The following ILRUN variants were observed in gnomAD, a reference collection of about 807,000 sequenced individuals.
ILRUN encodes protein ILRUN.
Under a neutral mutation model 33.8 loss-of-function variants are expected in ILRUN, and 3 were observed. That is an observed-to-expected ratio of 0.09 (90% CI 0.04 to 0.23). ILRUN has a LOEUF of 0.23. ILRUN is among the 10% of genes least tolerant of loss of function. ILRUN has a pLI of 1.00. For synonymous variants in ILRUN, 124 were observed against 138.9 expected, an observed-to-expected ratio of 0.89 and a Z score of 0.75; for missense variants, 210 against 375.1, an observed-to-expected ratio of 0.56 and a Z score of 3.64.
chr6:34,692,639 G>GA (rs1200179544), intron 1 of ILRUN, among the ~76,000 whole-genome samples: 1 of 150,964 alleles, frequency 6.6e-6, no homozygotes, highest in African/African-American at 2.4e-5. Context: ...ATGTTTGTTT[G>GA]AAAAAAAAAT....
intron 2 of ILRUN, among the ~76,000 whole-genome samples, chr6:34,650,395 TTATTTATTTA>T (rs1762636862): frequency 6.8e-6 from 1 of 146,120 alleles, no homozygotes; most frequent in African/African-American, 2.5e-5. Context: ...GAGCTTAATT[TTATTTATTTA>T]TTTTTATTTA....
rs568963393 is a variant in ILRUN, at chr6:34,625,205, T to C, written c.512-18301A>G. Among the ~76,000 whole-genome samples, 231 of 152,292 alleles carry C rather than the reference T, an allele frequency of 1.5e-3. 1 individual carries two copies. Among genetic ancestry groups the C allele is most frequent in the African/African-American group, 5.2e-3 (215 of 41,566 alleles). Reference sequence around the variant, plus strand: ...CCCCTTCCCCTCTTTTTTTCCTATTTCTTCCTACTATCTTCTTCATTTCTT... The same window carrying C: ...CCCCTTCCCCTCTTTTTTTCCTATTCCTTCCTACTATCTTCTTCATTTCTT... On this transcript the variant is annotated intron_variant, in intron 3 of 4. Coordinates refer to ENST00000374023, the MANE Select transcript of ILRUN (RefSeq NM_024294.4).
intron 1 of ILRUN, among the ~76,000 whole-genome samples, chr6:34,695,932 C>G (rs1763760294): frequency 6.6e-6 from 1 of 151,346 alleles, no homozygotes. Context: ...AATCTGTTCT[C>G]AGCTCCTAAC....
At chr6:34,660,065 G>A (rs571816996) in intron 1 of ILRUN, among the ~76,000 whole-genome samples, 7 of 151,664 alleles carry the variant, frequency 4.6e-5, no homozygotes, top group African/African-American at 7.3e-5. Flanking sequence ...CTTGGGAGGC[G>A]CAGAGGCAGG....
At chr6:34,687,322 T>C (rs1034488220) in intron 1 of ILRUN, among the ~76,000 whole-genome samples, 4 of 152,184 alleles carry the variant, frequency 2.6e-5, no homozygotes, top group Admixed American at 6.5e-5. Context: ...TATGTTCGTA[T>C]AATTAGTAAT....
chr6:34,619,796 C>A (rs1761975168), intron 3 of ILRUN, among the ~76,000 whole-genome samples: 1 of 152,018 alleles, frequency 6.6e-6, no homozygotes, highest in Non-Finnish European at 1.5e-5. Context: ...ATCAGCCTGG[C>A]CAACATGGTG....
At chr6:34,643,091 T>C (rs1762504795) in intron 3 of ILRUN, among the ~76,000 whole-genome samples, 1 of 148,648 alleles carries the variant, frequency 6.7e-6, no homozygotes, top group South Asian at 2.1e-4. Context: ...AGGTCAGGAG[T>C]TCAAGAACAG....
intron 3 of ILRUN, among the ~76,000 whole-genome samples, chr6:34,632,900 C>T (rs1418969341): frequency 2.0e-5 from 3 of 152,058 alleles, no homozygotes; most frequent in Non-Finnish European, 4.4e-5. Flanking sequence ...AAGTCTTCAA[C>T]TAAGAGAACA....
chr6:34,618,737 C>A (rs1256080328), intron 3 of ILRUN, among the ~76,000 whole-genome samples: 1 of 152,230 alleles, frequency 6.6e-6, no homozygotes, highest in African/African-American at 2.4e-5. Flanking sequence ...GAGACCCCAT[C>A]ACCCTTTTCC....
At chr6:34,682,263 T>TTGTTTTG (rs1554189585) in intron 1 of ILRUN, among the ~76,000 whole-genome samples, 1 of 124,928 alleles carries the variant, frequency 8.0e-6, no homozygotes, top group African/African-American at 3.0e-5. Context: ...TTTTTTTTTT[T>TTGTTTTG]TTTTTTTTTT....
At chr6:34,600,393 T>C (rs1316220566) in intron 4 of ILRUN, among the ~76,000 whole-genome samples, 5 of 152,206 alleles carry the variant, frequency 3.3e-5, no homozygotes, top group Non-Finnish European at 7.3e-5. Flanking sequence ...TTTCTCCAGA[T>C]AGGCTTTACA....
chr6:34,640,971 C>A lies in ILRUN; in HGVS notation c.511+5630G>T, dbSNP rs575689865. ...GCACATGCCTGTAATCCCAGCTACT[C>A]GGGAGCCTGAGGCAAGAGAATCGCT... On this transcript the variant is annotated intron_variant, in intron 3 of 4. Transcript: ENST00000374023. 1.3e-4 allele frequency among the ~76,000 whole-genome samples: 19 copies of A among 144,126 alleles called. No homozygotes were observed. In the Admixed American group the frequency reaches 1.3e-3, roughly 10 times the overall value. 94.6% of individuals were successfully genotyped at this position (144,126 alleles called of 152,430 possible). A position where few individuals can be genotyped will look rare whatever the true frequency, so the allele number is the denominator to read the frequency against.
intron 3 of ILRUN, among the ~76,000 whole-genome samples, chr6:34,633,235 AAT>A (rs1308426449): frequency 1.4e-5 from 2 of 147,764 alleles, no homozygotes; most frequent in African/African-American, 5.0e-5. Flanking sequence ...AGATAATGCT[AAT>A]ATGTTATGTA....
intron 1 of ILRUN, among the ~76,000 whole-genome samples, chr6:34,670,656 G>A (rs1367084294): frequency 6.6e-6 from 1 of 151,546 alleles, no homozygotes; most frequent in Non-Finnish European, 1.5e-5. Context: ...TTCGAGACCA[G>A]CTTGGCCAAC....
chr6:34,631,219 AAAG>A (rs1352522482), intron 3 of ILRUN, among the ~76,000 whole-genome samples: 2 of 152,216 alleles, frequency 1.3e-5, no homozygotes, highest in Non-Finnish European at 2.9e-5. Flanking sequence ...AAACTGTAGT[AAAG>A]AAGCCAGTAG....
At chr6:34,645,327 A>C (rs779135691) in intron 3 of ILRUN, among the ~76,000 whole-genome samples, 23 of 152,246 alleles carry the variant, frequency 1.5e-4, no homozygotes, top group Middle Eastern at 6.8e-3. Flanking sequence ...TTCTGACCCG[A>C]TTATCTCAGG....
intron 1 of ILRUN, among the ~76,000 whole-genome samples, chr6:34,662,145 A>G (rs1271817032): frequency 8.7e-6 from 1 of 115,098 alleles, no homozygotes; most frequent in Non-Finnish European, 1.7e-5. Flanking sequence ...AAAAAAAAAA[A>G]AAAAAAAAAA....
At chr6:34,639,412 ATC>A (rs1273872470) in intron 3 of ILRUN, among the ~76,000 whole-genome samples, 1 of 152,174 alleles carries the variant, frequency 6.6e-6, no homozygotes. Flanking sequence ...TACAGGGTAA[ATC>A]TCTCCTTTGG....
At chr6:34,659,086 G>T (rs764143291) in intron 1 of ILRUN, among the ~76,000 whole-genome samples, 1 of 152,222 alleles carries the variant, frequency 6.6e-6, no homozygotes, top group African/African-American at 2.4e-5. Flanking sequence ...TGCAAGACAG[G>T]CATGGCCCTT....
Sources: gnomAD v4.1 joint callset for allele counts (sites outside exome capture counted in the v4.1 genomes callset) on GRCh38, gnomAD v4.1.1 for gene constraint, MANE v1.5 for transcripts, NCBI Gene and HGNC (gene_info 2026-07-23, HGNC 2026-07-21) for gene names.